Variants in TRMU observed in about 807,000 individuals in gnomAD.
TRMU encodes the protein tRNA mitochondrial 2-thiouridylase.
Under a neutral mutation model 46.9 loss-of-function variants are expected in TRMU, and 49 were observed. The ratio of observed to expected loss-of-function variants is 1.05; its 90% CI spans 0.83 to 1.33. The LOEUF (loss-of-function observed/expected upper bound fraction) is 1.33, where lower values mean the gene tolerates loss of function less well. Ranked by LOEUF, TRMU falls within the 40% of genes most tolerant of loss-of-function variation. TRMU has a pLI of 0.00. For missense variants in TRMU, 572 were observed against 532.4 expected (o/e 1.07, Z -0.73); for synonymous variants, 241 against 200.9 (o/e 1.20, Z -1.69).
intron 8 of TRMU, chr22:46,355,120 C>T (rs2078557725): frequency 2.1e-6 from 1 of 475,114 alleles, no homozygotes; most frequent in African/African-American, 2.0e-5. Context: ...GCTGCTGCCC[C>T]ACAGGTGGTT....
rs777623118 is a variant in TRMU at position 46,349,399 on chromosome 22, C to T, written c.479-892C>T. Reference sequence around the variant, plus strand: ...TCCCTCTCACGGCTAACGTGGGAATCGGCAGATGGAAAACACTAGCTACGC... The same window carrying T: ...TCCCTCTCACGGCTAACGTGGGAATTGGCAGATGGAAAACACTAGCTACGC... On this transcript the variant is annotated intron_variant, in intron 4 of 10. Transcript: ENST00000645190. The surrounding 1 kb of genome is among the most constrained non-coding windows in gnomAD (Gnocchi z 4.6). Among the ~76,000 whole-genome samples the T allele has an allele frequency of 6.6e-6, 1 of 151,436 alleles. No homozygotes were observed. The highest frequency in any genetic ancestry group is 6.6e-5 in the Admixed American group (1 of 15,266).
At chr22:46,346,591 G>A (rs1387177742) in intron 4 of TRMU, 47 bp downstream of exon 4, 2 of 1,590,098 alleles carry the variant, frequency 1.3e-6, no homozygotes, top group Non-Finnish European at 1.7e-6. Context: ...TGAACAGATT[G>A]AAATCTTTGG....
intron 8 of TRMU, chr22:46,354,766 G>A (rs2078545197): frequency 1.3e-5 from 2 of 153,670 alleles, no homozygotes. Context: ...CCCTGGACGG[G>A]TCTTGGTGCC....
In TRMU at chr22:46,338,001, G is replaced by A; in HGVS notation, c.248+57G>A. ...CCTCACACTGTGGATCCTTGCAGTG[G>A]AAGGATCCGGTAACCAGCCAGACCG... On this transcript the variant is annotated intron_variant, in intron 2 of 10. Coordinates refer to ENST00000645190, the MANE Select transcript of TRMU (RefSeq NM_018006.5). The surrounding 1 kb of genome is among the most constrained non-coding windows in gnomAD (Gnocchi z 4.5). The A allele has an allele frequency of 6.2e-7, 1 of 1,602,506 alleles. No homozygotes were observed. Among genetic ancestry groups the A allele is most frequent in the Non-Finnish European group, 8.5e-7 (1 of 1,170,012 alleles).
chr22:46,343,450 A>C, intron 3 of TRMU, 82 bp downstream of exon 3: 1 of 1,046,938 alleles, frequency 9.6e-7, no homozygotes, highest in South Asian at 1.3e-5. Flanking sequence ...CAGTGGTGCG[A>C]TCATGACTCA....
chr22:46,352,050 C>T (rs1054363353), intron 5 of TRMU, 71 bp from the exon 6 acceptor site: 2 of 1,567,418 alleles, frequency 1.3e-6, no homozygotes, highest in East Asian at 2.2e-5. Context: ...AGGGCCCGCT[C>T]AGGACGTCTG....
In TRMU at chr22:46,355,542, C is replaced by T. The variant is rs1296670500; in HGVS notation, c.972C>T (p.Asp324=). The T allele has an allele frequency of 3.1e-6, 5 of 1,613,314 alleles. No homozygotes were observed. Among genetic ancestry groups the T allele is most frequent in the Non-Finnish European group, 4.2e-6 (5 of 1,180,024 alleles). Residue 324 remains aspartate, a synonymous_variant, in exon 9 of 11, where the codon GAC becomes GAT. Transcript: ENST00000645190. ...AEEPPAALVR[D]KMMECHFRFR... is the part of the protein sequence containing the mutation. Reference sequence around the variant, plus strand: ...AGCCTCCCGCAGCACTGGTCCGGGACAAGATGATGGAGTGCCACTTCCGAT... The same window carrying T: ...AGCCTCCCGCAGCACTGGTCCGGGATAAGATGATGGAGTGCCACTTCCGAT...
At chr22:46,341,864 AG>A (rs1278729576) in intron 2 of TRMU, among the ~76,000 whole-genome samples, 2 of 152,214 alleles carry the variant, frequency 1.3e-5, no homozygotes, top group African/African-American at 4.8e-5. Context: ...ACCTGAGGAT[AG>A]TATTTTTGGT....
Position 46,339,114 on chromosome 22 carries a change from G to C in TRMU, c.248+1170G>C, listed in dbSNP as rs1397610671. Among the ~76,000 whole-genome samples, 1 of 152,074 alleles carries C rather than the reference G, an allele frequency of 6.6e-6. No homozygotes were observed. The highest frequency in any genetic ancestry group is 1.9e-4 in the East Asian group (1 of 5,202). On this transcript the variant is annotated intron_variant, in intron 2 of 10. Transcript: ENST00000645190. The surrounding 1 kb of genome is among the most constrained non-coding windows in gnomAD (Gnocchi z 4.8). The stretch of plus-strand genomic sequence containing the variant: ...GATTAGGTTCTAGTATGTATGCCTG[G>C]TATATTAGTAAGCAGTCAATAAACA...
At chr22:46,356,185 C>T in intron 10 of TRMU, 113 bp downstream of exon 10, 2 of 1,197,358 alleles carry the variant, frequency 1.7e-6, no homozygotes, top group Non-Finnish European at 2.4e-6. Flanking sequence ...GTGCTCGGGT[C>T]ACACAGCTGG....
At chr22:46,352,237 G>T (rs766589799) in intron 6 of TRMU, 27 bp from the exon 7 acceptor site, 2 of 1,614,062 alleles carry the variant, frequency 1.2e-6, no homozygotes, top group South Asian at 1.1e-5. Context: ...CTAGATCTCC[G>T]TCGGTAATGA....
intron 2 of TRMU, among the ~76,000 whole-genome samples, chr22:46,340,984 G>C (rs1360816712): frequency 2.6e-5 from 4 of 152,242 alleles, no homozygotes; most frequent in Non-Finnish European, 1.5e-5. Flanking sequence ...CACTTCTCTA[G>C]TAGGGCTCTC....
chr22:46,336,104 A>C lies in TRMU; in HGVS notation c.82+258A>C. On this transcript the variant is annotated intron_variant, in intron 1 of 10. Coordinates refer to ENST00000645190, the MANE Select transcript of TRMU (RefSeq NM_018006.5). This position sits in a 1 kb window ranked among gnomAD's most constrained non-coding sequence, Gnocchi z 4.1. ...CCTCTCCACCCACGCGCGCCCACCCACAGTGAGAAGCCGGCGGGCCGGGGT... is the reference window on the plus strand; with the variant it reads ...CCTCTCCACCCACGCGCGCCCACCCCCAGTGAGAAGCCGGCGGGCCGGGGT... The C allele has an allele frequency of 5.9e-6, 8 of 1,344,886 alleles. No individual in the cohort carries two copies. Among genetic ancestry groups the C allele is most frequent in the East Asian group, 3.2e-5 (1 of 30,908 alleles). 83.3% of individuals were successfully genotyped at this position (1,344,886 alleles called of 1,614,324 possible).
In TRMU at chr22:46,336,093, C is replaced by G; in HGVS notation, c.82+247C>G. Reference sequence around the variant, plus strand: ...AGTTCCGCGCCCCTCTCCACCCACGCGCGCCCACCCACAGTGAGAAGCCGG... The same window carrying G: ...AGTTCCGCGCCCCTCTCCACCCACGGGCGCCCACCCACAGTGAGAAGCCGG... On this transcript the variant is annotated intron_variant, in intron 1 of 10. Transcript: ENST00000645190. This position sits in a 1 kb window ranked among gnomAD's most constrained non-coding sequence, Gnocchi z 4.1. The G allele has an allele frequency of 7.4e-7, 1 of 1,360,482 alleles. No homozygotes were observed. The highest frequency in any genetic ancestry group is 9.4e-7 in the Non-Finnish European group (1 of 1,058,914). The allele number at this position is 1,360,482 out of a possible 1,614,324, so 84.3% of individuals were successfully genotyped here.
At chr22:46,356,705 G>GCAA (rs1441618097) in intron 10 of TRMU, 137 bp from the exon 11 acceptor site, 8 of 1,055,848 alleles carry the variant, frequency 7.6e-6, no homozygotes, top group Admixed American at 2.1e-5. Flanking sequence ...AGCAGCAGCA[G>GCAA]CAAAACCCTG....
At position 46,355,488 on chromosome 22, in the gene TRMU, G is replaced by C. The variant is rs776261187; in HGVS notation, c.918G>C (p.Arg306Ser). The change falls in exon 9 of 11, where the codon AGG (arginine) becomes AGC (serine). Residue 306 changes from arginine (R) to serine (S), a missense_variant. Physicochemically the swap from Arg to Ser is moderately radical, Grantham distance 110. Transcript: ENST00000645190. ...DHPALYRDLL[R>S]TSRVHWIAEE... ...CAGCCCTGTACAGGGACCTGCTGAG[G>C]ACCAGCCGCGTGCACTGGATTGCGG... 2.2e-5 allele frequency: 36 copies of C among 1,613,150 alleles called. 1 individual carries two copies. The highest frequency in any genetic ancestry group is 1.1e-4 in the East Asian group (5 of 44,880).
rs2078320263 is a variant in TRMU, at chr22:46,348,558, T to C, written c.479-1733T>C. 6.6e-6 allele frequency among the ~76,000 whole-genome samples: 1 copy of C among 152,034 alleles called. No homozygotes were observed. Among genetic ancestry groups the C allele is most frequent in the Non-Finnish European group, 1.5e-5 (1 of 67,996 alleles). On this transcript the variant is annotated intron_variant, in intron 4 of 10. Transcript: ENST00000645190. The surrounding 1 kb of genome is among the most constrained non-coding windows in gnomAD (Gnocchi z 4.8). ...GCCTGGCCTGTGACTGGGCTGATTT[T>C]CCCCCACACAGCGTGCTACCACCGG...
Position 46,347,169 on chromosome 22 carries a change from G to A in TRMU, c.478+625G>A, listed in dbSNP as rs1185219861. On this transcript the variant is annotated intron_variant, in intron 4 of 10. Transcript: ENST00000645190. The surrounding 1 kb of genome is among the most constrained non-coding windows in gnomAD (Gnocchi z 5.0). ...GTATTGTTGAGTGAAAAACCAAGTG[G>A]GGCTCAGAGCCGTGTTTCCGCACGG... Among the ~76,000 whole-genome samples, 1 of 152,100 alleles carries A rather than the reference G, an allele frequency of 6.6e-6. No homozygotes were observed. Among genetic ancestry groups the A allele is most frequent in the Non-Finnish European group, 1.5e-5 (1 of 68,026 alleles).
In TRMU at chr22:46,352,132, G is replaced by A; in HGVS notation, c.663G>A (p.Met221Ile). The part of the protein sequence containing the change: ...HVLQKKESMG[M>I]CFIGKRNFEH... ...TCTTCTCATTTCAGAGCATGGGCAT[G>A]TGTTTCATCGGGAAGAGGAATTTTG... Residue 221 changes from methionine to isoleucine, a missense_variant, in exon 6 of 11, where the codon ATG becomes ATA. Transcript: ENST00000645190. 6.2e-7 allele frequency: 1 copy of A among 1,613,586 alleles called. No individual in the cohort carries two copies. The highest frequency in any genetic ancestry group is 8.5e-7 in the Non-Finnish European group (1 of 1,180,032).
Sources: gnomAD v4.1 joint callset for allele counts (sites outside exome capture counted in the v4.1 genomes callset) on GRCh38, gnomAD v4.1.1 for gene constraint, Gnocchi (gnomAD v3.1) non-coding constraint, MANE v1.5 for transcripts, NCBI Gene and HGNC (gene_info 2026-07-23, HGNC 2026-07-21) for gene names.